Variants in ERP44 observed in about 807,000 individuals in gnomAD.
ERP44 encodes endoplasmic reticulum resident protein 44.
Under a neutral mutation model 53.4 loss-of-function variants are expected in ERP44, and 25 were observed. The ratio of observed to expected loss-of-function variants is 0.47; its 90% CI spans 0.34 to 0.65. The LOEUF is 0.65. ERP44 is among the 30% of genes least tolerant of loss of function. ERP44 has a pLI of 0.01. For synonymous variants in ERP44, 145 were observed against 161.2 expected, an observed-to-expected ratio of 0.90 and a Z score of 0.76; for missense variants, 338 against 493.2, an observed-to-expected ratio of 0.69 and a Z score of 2.98.
chr9:100,069,989 A>G (rs1826281895), intron 1 of ERP44, among the ~76,000 whole-genome samples: 1 of 152,260 alleles, frequency 6.6e-6, no homozygotes, highest in Non-Finnish European at 1.5e-5. Flanking sequence ...TTTGTTATAA[A>G]AAGTTTTTCA....
intron 4 of ERP44, among the ~76,000 whole-genome samples, chr9:100,047,054 T>C (rs1174621881): frequency 6.6e-6 from 1 of 152,170 alleles, no homozygotes; most frequent in African/African-American, 2.4e-5. Context: ...ATGCAAACAA[T>C]TGAACTCCAA....
At chr9:100,090,212 A>G (rs1042455821) in intron 1 of ERP44, among the ~76,000 whole-genome samples, 4 of 152,206 alleles carry the variant, frequency 2.6e-5, no homozygotes, top group African/African-American at 9.7e-5. Flanking sequence ...TTTCAGAGGT[A>G]AAATCATTAC....
intron 4 of ERP44, among the ~76,000 whole-genome samples, chr9:100,038,794 A>G (rs1418158283): frequency 1.3e-5 from 2 of 152,206 alleles, no homozygotes; most frequent in Non-Finnish European, 1.5e-5. Flanking sequence ...ACTGAAAATA[A>G]AGAAATGGAA....
chr9:100,060,076 CT>C (rs1349035857), intron 2 of ERP44, 23 bp downstream of exon 2: 1 of 1,415,118 alleles, frequency 7.1e-7, no homozygotes, highest in Non-Finnish European at 9.3e-7. Context: ...AAAGAGTACA[CT>C]TTAAAAATAT....
chr9:100,031,543 T>C (rs1351334126), intron 4 of ERP44, among the ~76,000 whole-genome samples: 1 of 152,216 alleles, frequency 6.6e-6, no homozygotes, highest in Non-Finnish European at 1.5e-5. Context: ...TATCATTTGT[T>C]GACTCCCTCC....
chr9:99,990,076 C>A (rs1432820387), intron 10 of ERP44, among the ~76,000 whole-genome samples: 2 of 152,162 alleles, frequency 1.3e-5, no homozygotes, highest in Admixed American at 1.3e-4. Context: ...GAGAATGGAA[C>A]CAGGCTGGAA....
intron 7 of ERP44, among the ~76,000 whole-genome samples, chr9:100,016,739 C>A (rs957647575): frequency 5.9e-5 from 9 of 152,128 alleles, no homozygotes; most frequent in Admixed American, 2.0e-4. Flanking sequence ...TTATATCCAT[C>A]CATGAACCCA....
intron 10 of ERP44, 74 bp downstream of exon 10, chr9:100,006,432 T>C: frequency 8.7e-7 from 1 of 1,143,646 alleles, no homozygotes. Flanking sequence ...TTATTTAAAA[T>C]ATTCAAACAA....
chr9:100,095,941 C>CATA (rs1325042306), intron 1 of ERP44, among the ~76,000 whole-genome samples: 1 of 152,160 alleles, frequency 6.6e-6, no homozygotes, highest in African/African-American at 2.4e-5. Flanking sequence ...CTCAAATTTA[C>CATA]ATAGCTACCT....
At chr9:100,066,375 T>C (rs1826209847) in intron 1 of ERP44, among the ~76,000 whole-genome samples, 2 of 152,240 alleles carry the variant, frequency 1.3e-5, no homozygotes, top group African/African-American at 4.8e-5. Context: ...CTTAAACAGA[T>C]ATTTCTGCAT....
intron 11 of ERP44, 64 bp from the exon 12 acceptor site, chr9:99,982,777 AAGTGTATTCGATGAAT>A: frequency 9.6e-7 from 1 of 1,041,778 alleles, no homozygotes; most frequent in Non-Finnish European, 1.4e-6. Context: ...ATATTTTAAT[AAGTGTATTCGATGAAT>A]AGTAGTTCCC....
chr9:100,018,119 A>G, intron 7 of ERP44, 137 bp downstream of exon 7: 1 of 658,612 alleles, frequency 1.5e-6, no homozygotes, highest in South Asian at 1.7e-5. Flanking sequence ...GGTTTAGATC[A>G]GCACAAGATG....
chr9:99,982,106 C>CTAT lies in ERP44; in HGVS notation c.*505_*506insATA, dbSNP rs1830154078. On this transcript the variant is annotated 3_prime_UTR_variant, in exon 12 of 12. Transcript: ENST00000262455. Reference sequence around the variant, plus strand: ...AATACCACTATGGAATTTTCATAAGCAATATCCAACCAATCAGTAAAACAC... The same window carrying CTAT: ...AATACCACTATGGAATTTTCATAAGCTATAATATCCAACCAATCAGTAAAACAC... The CTAT allele has an allele frequency of 6.6e-6, 1 of 152,602 alleles. No homozygotes were observed. The highest frequency in any genetic ancestry group is 1.5e-5 in the Non-Finnish European group (1 of 68,040). 9.5% of individuals were successfully genotyped at this position (152,602 alleles called of 1,614,324 possible). A position where few individuals can be genotyped will look rare whatever the true frequency, so the allele number is the denominator to read the frequency against.
intron 4 of ERP44, among the ~76,000 whole-genome samples, chr9:100,033,406 G>A (rs1452604407): frequency 6.6e-6 from 1 of 152,138 alleles, no homozygotes; most frequent in African/African-American, 2.4e-5. Flanking sequence ...GTTATCTTGG[G>A]ACCTCAAGAG....
chr9:100,044,735 C>T (rs137863625), intron 4 of ERP44, among the ~76,000 whole-genome samples: 185 of 152,218 alleles, frequency 1.2e-3, no homozygotes, highest in Non-Finnish European at 2.1e-3. Flanking sequence ...GGAAGTAAGG[C>T]GCTCCTAGCT....
At chr9:100,001,388 T>C (rs980780600) in intron 10 of ERP44, among the ~76,000 whole-genome samples, 1 of 152,170 alleles carries the variant, frequency 6.6e-6, no homozygotes, top group African/African-American at 2.4e-5. Flanking sequence ...AGTCCAAAAT[T>C]TCCCTATTTT....
chr9:100,098,422 G>A (rs1205472190), intron 1 of ERP44, among the ~76,000 whole-genome samples: 3 of 152,200 alleles, frequency 2.0e-5, no homozygotes, highest in Non-Finnish European at 2.9e-5. Context: ...CCCAAATGGA[G>A]AGGGTGGGAA....
chr9:100,018,043 T>C (rs1830542247), intron 7 of ERP44, among the ~76,000 whole-genome samples: 1 of 152,238 alleles, frequency 6.6e-6, no homozygotes, highest in South Asian at 2.1e-4. Context: ...GCTACTCTAA[T>C]GCCAGCTCTG....
At chr9:100,083,529 G>A (rs576484868) in intron 1 of ERP44, among the ~76,000 whole-genome samples, 1 of 152,314 alleles carries the variant, frequency 6.6e-6, no homozygotes, top group South Asian at 2.1e-4. Context: ...CTAGGTGACT[G>A]AGAACTGAAA....
Sources: gnomAD v4.1 joint callset for allele counts (sites outside exome capture counted in the v4.1 genomes callset) on GRCh38, gnomAD v4.1.1 for gene constraint, MANE v1.5 for transcripts, NCBI Gene and HGNC (gene_info 2026-07-23, HGNC 2026-07-21) for gene names.